POC1A: variants seen among roughly 807,000 people sequenced by gnomAD.
The protein encoded by POC1A is POC1 centriolar protein A.
Under a neutral mutation model 47.8 loss-of-function variants are expected in POC1A, and 34 were observed. The observed-to-expected ratio is 0.71, with a 90% CI of 0.54 to 0.95. The LOEUF is 0.95. POC1A is among the 40% of genes least tolerant of loss of function. The pLI is 0.00. For synonymous variants in POC1A, 177 were observed against 207.6 expected (o/e 0.85, Z 1.27); for missense variants, 466 against 528.3 (o/e 0.88, Z 1.16).
At chr3:52,106,275 A>G (rs1703182704) in intron 9 of POC1A, among the ~76,000 whole-genome samples, 1 of 151,704 alleles carries the variant, frequency 6.6e-6, no homozygotes, top group Admixed American at 6.6e-5. Context: ...CAAATGCTCC[A>G]CAACTACAGA....
chr3:52,106,106 A>AATGACAT (rs1405793147), intron 9 of POC1A, among the ~76,000 whole-genome samples: 3 of 147,838 alleles, frequency 2.0e-5, no homozygotes, highest in Non-Finnish European at 4.5e-5. Context: ...GAGGCAGGAG[A>AATGACAT]ATGACATGAA....
At chr3:52,145,295 C>T (rs147654783) in intron 6 of POC1A, among the ~76,000 whole-genome samples, 32 of 152,334 alleles carry the variant, frequency 2.1e-4, no homozygotes, top group Non-Finnish European at 3.2e-4. Context: ...CGCCACCCTG[C>T]CTTCCAAGGG....
chr3:52,093,886 G>C (rs1208373585), intron 10 of POC1A, among the ~76,000 whole-genome samples: 3 of 152,244 alleles, frequency 2.0e-5, no homozygotes, highest in Non-Finnish European at 4.4e-5. Context: ...AGGAAGGCAG[G>C]CTTTGAAGAC....
At chr3:52,128,174 G>A (rs923792860) in intron 7 of POC1A, among the ~76,000 whole-genome samples, 1 of 152,202 alleles carries the variant, frequency 6.6e-6, no homozygotes, top group African/African-American at 2.4e-5. Context: ...ACTGAGTGAT[G>A]GCAGGTTTCC....
Position 52,096,724 on chromosome 3 carries a change from AAG to A in POC1A, c.982-14_982-13del. On this transcript the variant is annotated splice_polypyrimidine_tract_variant and intron_variant, in intron 9 of 10. Transcript: ENST00000296484. ...AAGTCCACTTCTGGCTAAAGACAGAAAGAAAAAAGTTCCTCAGTCTATCCAGT... is the reference window on the plus strand; with the variant it reads ...AAGTCCACTTCTGGCTAAAGACAGAAAAAAAAGTTCCTCAGTCTATCCAGT... 1 of 1,569,342 alleles carries A rather than the reference AAG, an allele frequency of 6.4e-7. No individual in the cohort carries two copies. Among genetic ancestry groups the A allele is most frequent in the African/African-American group, 1.4e-5 (1 of 72,494 alleles).
intron 10 of POC1A, among the ~76,000 whole-genome samples, 183 bp from the exon 11 acceptor site, chr3:52,076,168 G>A (rs1454385073): frequency 6.6e-6 from 1 of 152,146 alleles, no homozygotes; most frequent in Non-Finnish European, 1.5e-5. Flanking sequence ...TTGCCTTTAT[G>A]TCTGCTTCTC....
chr3:52,116,455 T>A (rs1463783183), intron 9 of POC1A, among the ~76,000 whole-genome samples: 1 of 152,198 alleles, frequency 6.6e-6, no homozygotes, highest in African/African-American at 2.4e-5. Context: ...ATCCTGGGCA[T>A]CTTGTCCTGA....
intron 9 of POC1A, among the ~76,000 whole-genome samples, chr3:52,108,858 C>T (rs1370362657): frequency 2.0e-5 from 3 of 152,210 alleles, no homozygotes; most frequent in African/African-American, 2.4e-5. Flanking sequence ...CACGTCTTCC[C>T]TTCCCTCCCC....
chr3:52,112,658 A>G (rs187035313), intron 9 of POC1A, among the ~76,000 whole-genome samples: 1 of 152,250 alleles, frequency 6.6e-6, no homozygotes, highest in Non-Finnish European at 1.5e-5. Flanking sequence ...TACCAAAAAC[A>G]AGCAAACAAA....
intron 10 of POC1A, among the ~76,000 whole-genome samples, chr3:52,095,425 G>C (rs1043552583): frequency 6.6e-6 from 1 of 152,170 alleles, no homozygotes; most frequent in African/African-American, 2.4e-5. Context: ...GCTGGGGAAA[G>C]GATACCATGC....
At chr3:52,144,169 C>T (rs79707309) in intron 6 of POC1A, among the ~76,000 whole-genome samples, 11,988 of 152,296 alleles carry the variant, frequency 0.079, 627 homozygotes, top group Non-Finnish European at 0.12. Context: ...CCTGCCTCGT[C>T]GCCTTCCACT....
At chr3:52,112,747 A>T (rs1332650471) in intron 9 of POC1A, among the ~76,000 whole-genome samples, 2 of 152,112 alleles carry the variant, frequency 1.3e-5, no homozygotes, top group African/African-American at 2.4e-5. Flanking sequence ...TGCGAGGGAC[A>T]CTGATTTTCT....
chr3:52,145,405 T>C (rs1298787149), intron 6 of POC1A, among the ~76,000 whole-genome samples: 3 of 152,146 alleles, frequency 2.0e-5, no homozygotes, highest in Non-Finnish European at 4.4e-5. Context: ...GTCCCACCAA[T>C]GCTGGCCTCT....
chr3:52,152,258 G>A (rs1032690021), intron 1 of POC1A, among the ~76,000 whole-genome samples: 2 of 152,110 alleles, frequency 1.3e-5, no homozygotes, highest in African/African-American at 4.8e-5. Flanking sequence ...CTGGGCAACA[G>A]AGCAAGACCC....
intron 6 of POC1A, among the ~76,000 whole-genome samples, chr3:52,143,923 C>G (rs777775190): frequency 2.6e-5 from 4 of 152,202 alleles, no homozygotes; most frequent in Non-Finnish European, 4.4e-5. Flanking sequence ...TGCTGTTATA[C>G]CCATGAACAC....
chr3:52,135,323 T>C (rs1203904765), intron 7 of POC1A, among the ~76,000 whole-genome samples: 1 of 152,184 alleles, frequency 6.6e-6, no homozygotes, highest in African/African-American at 2.4e-5. Context: ...AATGCCCAAA[T>C]TAAGGCTCCT....
chr3:52,092,445 G>C (rs1325712830), intron 10 of POC1A, among the ~76,000 whole-genome samples: 1 of 152,188 alleles, frequency 6.6e-6, no homozygotes, highest in Non-Finnish European at 1.5e-5. Flanking sequence ...AGAAGCCCCA[G>C]GCTGGCTGGA....
At chr3:52,088,972 C>A (rs1702554398) in intron 10 of POC1A, among the ~76,000 whole-genome samples, 1 of 150,604 alleles carries the variant, frequency 6.6e-6, no homozygotes, top group Non-Finnish European at 1.5e-5. Flanking sequence ...ACCACGGCTA[C>A]TGTCGAGCCC....
rs926613306 is a variant in POC1A, at chr3:52,138,302, A to G, written c.680T>C (p.Leu227Ser). 3.1e-6 allele frequency: 5 copies of G among 1,610,536 alleles called. No homozygotes were observed. In the Admixed American group the frequency reaches 5.0e-5, roughly 16 times the overall value. Residue 227 changes from leucine to serine, a missense_variant and splice_region_variant, in exon 7 of 11, where the codon TTG becomes TCG. By Grantham distance (145) the Leu-to-Ser change is moderately radical. Transcript: ENST00000296484. ...RTHRLLQHYQ[L>S]HSAAVNGLSF... ...GAGCCCGTTCACTGCTGCACTGTGC[A>G]CTGGGGGAAGGACATCAGTCAGGTG...
Sources: gnomAD v4.1 joint callset for allele counts (sites outside exome capture counted in the v4.1 genomes callset) on GRCh38, gnomAD v4.1.1 for gene constraint, MANE v1.5 for transcripts, NCBI Gene and HGNC (gene_info 2026-07-23, HGNC 2026-07-21) for gene names.